Variants in CSMD1 observed in about 807,000 individuals in gnomAD.
CSMD1 encodes the protein CUB and Sushi multiple domains 1, also known as CUB and sushi domain-containing protein 1.
Under a neutral mutation model 417.5 loss-of-function variants are expected in CSMD1, and 213 were observed. The observed-to-expected ratio is 0.51, with a 90% CI of 0.46 to 0.57. The LOEUF is 0.57. Ranked by LOEUF, CSMD1 falls within the 20% of genes least tolerant of loss-of-function variation. CSMD1 has a pLI of 0.00. For missense variants in CSMD1, 6,923 were observed against 4,529.7 expected (o/e 1.53, Z -15.17); for synonymous variants, 2,862 against 1,736.8 (o/e 1.65, Z -16.11).
At chr8:4,215,611 G>A (rs761867502) in intron 3 of CSMD1, among the ~76,000 whole-genome samples, 5 of 151,798 alleles carry the variant, frequency 3.3e-5, no homozygotes, top group Non-Finnish European at 5.9e-5. Flanking sequence ...GCAAAAACAT[G>A]TTTACTTTGA....
At chr8:4,806,686 G>A (rs1798607173) in intron 1 of CSMD1, among the ~76,000 whole-genome samples, 1 of 152,164 alleles carries the variant, frequency 6.6e-6, no homozygotes, top group Admixed American at 6.5e-5. Flanking sequence ...TGGTCGCAGT[G>A]CCTGTGAGTT....
intron 7 of CSMD1, among the ~76,000 whole-genome samples, chr8:3,675,289 G>C (rs552204970): frequency 1.6e-4 from 25 of 152,296 alleles, no homozygotes; most frequent in African/African-American, 6.0e-4. Flanking sequence ...CTCCTGGAGG[G>C]TTGGCAGCAC....
intron 5 of CSMD1, among the ~76,000 whole-genome samples, chr8:3,762,858 G>A (rs1416872415): frequency 2.0e-5 from 3 of 152,152 alleles, no homozygotes; most frequent in East Asian, 3.9e-4. Context: ...GCCGAGACAC[G>A]GTGGACAGTG....
intron 25 of CSMD1, among the ~76,000 whole-genome samples, chr8:3,302,767 C>A (rs965852824): frequency 6.6e-6 from 1 of 152,174 alleles, no homozygotes; most frequent in Non-Finnish European, 1.5e-5. Flanking sequence ...AGAATTTGTC[C>A]TTCATGCACT....
intron 2 of CSMD1, among the ~76,000 whole-genome samples, chr8:4,597,409 T>G (rs560353346): frequency 1.3e-5 from 2 of 152,264 alleles, no homozygotes; most frequent in South Asian, 4.2e-4. Context: ...TAAATATCCA[T>G]CCCCAAATGT....
chr8:3,954,018 C>T (rs1005264306), intron 5 of CSMD1, among the ~76,000 whole-genome samples: 1 of 152,164 alleles, frequency 6.6e-6, no homozygotes, highest in African/African-American at 2.4e-5. Flanking sequence ...TCAGCGCCAC[C>T]TGCTCATGGT....
chr8:3,096,527 G>A (rs1815309829), intron 47 of CSMD1, among the ~76,000 whole-genome samples: 1 of 151,994 alleles, frequency 6.6e-6, no homozygotes, highest in Non-Finnish European at 1.5e-5. Flanking sequence ...GCTCCTCCTT[G>A]CCTTCCTCCA....
chr8:3,749,462 G>A (rs1331958348), intron 6 of CSMD1, among the ~76,000 whole-genome samples: 1 of 152,154 alleles, frequency 6.6e-6, no homozygotes, highest in South Asian at 2.1e-4. Context: ...AATTGGAGAG[G>A]TGAAAGTCAA....
intron 3 of CSMD1, among the ~76,000 whole-genome samples, chr8:4,125,539 C>T (rs775174660): frequency 6.6e-6 from 1 of 152,192 alleles, no homozygotes; most frequent in Non-Finnish European, 1.5e-5. Flanking sequence ...GGGCGCGCAG[C>T]CTCAACTTTG....
intron 2 of CSMD1, among the ~76,000 whole-genome samples, chr8:4,501,917 T>A (rs1218458688): frequency 6.6e-6 from 1 of 151,884 alleles, no homozygotes; most frequent in South Asian, 2.1e-4. Flanking sequence ...CTACTGGGGG[T>A]TTTGGAACAT....
At chr8:4,800,617 C>T (rs967118088) in intron 1 of CSMD1, among the ~76,000 whole-genome samples, 2 of 152,206 alleles carry the variant, frequency 1.3e-5, no homozygotes, top group East Asian at 1.9e-4. Context: ...GGGGTAGAGT[C>T]ACAGACCCAT....
At chr8:4,165,750 T>A (rs559333011) in intron 3 of CSMD1, among the ~76,000 whole-genome samples, 1 of 152,328 alleles carries the variant, frequency 6.6e-6, no homozygotes, top group African/African-American at 2.4e-5. Flanking sequence ...TCTCATCATT[T>A]CTTCCTGGTC....
chr8:4,692,752 G>A (rs1369817623), intron 1 of CSMD1, among the ~76,000 whole-genome samples: 1 of 152,176 alleles, frequency 6.6e-6, no homozygotes, highest in Non-Finnish European at 1.5e-5. Context: ...CTCACATCAT[G>A]CCTAATTCTA....
intron 10 of CSMD1, among the ~76,000 whole-genome samples, chr8:3,500,124 C>T (rs761399500): frequency 1.4e-4 from 22 of 152,092 alleles, no homozygotes; most frequent in South Asian, 2.1e-4. Flanking sequence ...ATCCTACCTG[C>T]GCACTTCACG....
chr8:3,183,512 C>A lies in CSMD1; in HGVS notation c.5621-2298G>T. Among the ~76,000 whole-genome samples the A allele has an allele frequency of 6.0e-5, 3 of 50,234 alleles. 1 individual carries two copies. Among genetic ancestry groups the A allele is most frequent in the Non-Finnish European group, 1.2e-4 (3 of 25,632 alleles). 33.0% of individuals were successfully genotyped at this position (50,234 alleles called of 152,430 possible). A position where few individuals can be genotyped will look rare whatever the true frequency, so the allele number is the denominator to read the frequency against. Reference sequence around the variant, plus strand: ...TCTTAAAGATACCATCGGCATCCATCCACGTCACAAACTGAACGCCTAATC... The same window carrying A: ...TCTTAAAGATACCATCGGCATCCATACACGTCACAAACTGAACGCCTAATC... On this transcript the variant is annotated intron_variant, in intron 36 of 69. Transcript: ENST00000635120.
rs181558215 is a variant in CSMD1, at chr8:3,711,073, G to A, written c.932-2582C>T. ...GCCAAGTCTGAGATATTTTCCTATA[G>A]CAAATGTTTGCTATATTTCCTATAG... On this transcript the variant is annotated intron_variant, in intron 6 of 69. Coordinates refer to ENST00000635120, the MANE Select transcript of CSMD1 (RefSeq NM_033225.6). Among the ~76,000 whole-genome samples the A allele has an allele frequency of 1.4e-4, 22 of 152,220 alleles. No homozygotes were observed. In the East Asian group the frequency reaches 3.1e-3, roughly 21 times the overall value.
intron 5 of CSMD1, among the ~76,000 whole-genome samples, chr8:3,958,557 C>A (rs1239578628): frequency 1.3e-5 from 2 of 152,130 alleles, no homozygotes; most frequent in African/African-American, 4.8e-5. Flanking sequence ...ACTGAGGTAT[C>A]AATTTACTCA....
chr8:4,275,416 T>C (rs1344070772), intron 3 of CSMD1, among the ~76,000 whole-genome samples: 2 of 152,106 alleles, frequency 1.3e-5, no homozygotes, highest in African/African-American at 4.8e-5. Flanking sequence ...GGAGAATAAA[T>C]ACATTGATTT....
intron 3 of CSMD1, among the ~76,000 whole-genome samples, chr8:4,161,407 G>C (rs1480560466): frequency 6.6e-6 from 1 of 152,194 alleles, no homozygotes; most frequent in Non-Finnish European, 1.5e-5. Context: ...AGGTAAACTT[G>C]TCATTCCTCC....
Sources: allele counts gnomAD v4.1 joint callset (sites outside exome capture counted in the v4.1 genomes callset), GRCh38; gene constraint gnomAD v4.1.1; transcripts MANE v1.5; gene names NCBI Gene and HGNC (gene_info 2026-07-23, HGNC 2026-07-21).